Variants in TENM3 observed in about 807,000 individuals in gnomAD.
TENM3 encodes teneurin transmembrane protein 3.
TENM3 carries 63 observed loss-of-function variants against 255.1 expected under a neutral mutation model. The ratio of observed to expected loss-of-function variants is 0.25; its 90% CI spans 0.20 to 0.30. TENM3 has a LOEUF of 0.30. Among genes scored for constraint, TENM3 ranks in the 10% least tolerant of loss-of-function variants. The pLI is 1.00. For missense variants in TENM3, 2,929 were observed against 3,461.1 expected (o/e 0.85, Z 3.86); for synonymous variants, 1,306 against 1,322.3 (o/e 0.99, Z 0.27).
intron 3 of TENM3, among the ~76,000 whole-genome samples, chr4:182,389,152 A>G (rs1003762286): frequency 2.0e-5 from 3 of 152,164 alleles, no homozygotes; most frequent in African/African-American, 4.8e-5. Flanking sequence ...ATGTTTTCCA[A>G]CTTTTCATCC....
At chr4:181,867,259 A>C in the TENM3 span, among the ~76,000 whole-genome samples, 2 of 152,026 alleles carry the variant, frequency 1.3e-5, no homozygotes, top group Admixed American at 1.3e-4. Context: ...GAAATACATC[A>C]AATTTCCCCT....
chr4:182,749,012 T>A (rs932420745), intron 19 of TENM3, among the ~76,000 whole-genome samples: 3 of 152,202 alleles, frequency 2.0e-5, no homozygotes, highest in African/African-American at 7.2e-5. Context: ...AGGATAAAAC[T>A]GATGACAATA....
Position 182,789,979 on chromosome 4 carries a change from C to G in TENM3, c.5601+590C>G, listed in dbSNP as rs1765971027. Among the ~76,000 whole-genome samples, 1 of 152,018 alleles carries G rather than the reference C, an allele frequency of 6.6e-6. No homozygotes were observed. The highest frequency in any genetic ancestry group is 2.1e-4 in the South Asian group (1 of 4,816). ...CATTCTTGAGAACTATGCATAGTATCAAAAATGGAGACTTAGAATTACACG... is the reference window on the plus strand; with the variant it reads ...CATTCTTGAGAACTATGCATAGTATGAAAAATGGAGACTTAGAATTACACG... On this transcript the variant is annotated intron_variant, in intron 25 of 27. Transcript: ENST00000511685. This position sits in a 1 kb window ranked among gnomAD's most constrained non-coding sequence, Gnocchi z 4.4.
At chr4:181,636,766 C>A in the TENM3 span, among the ~76,000 whole-genome samples, 6 of 152,316 alleles carry the variant, frequency 3.9e-5, no homozygotes, top group African/African-American at 1.4e-4. Flanking sequence ...TTATCCTCAA[C>A]GCAGCGACCA....
At chr4:182,229,809 G>A (rs1756443311) in intron 1 of TENM3, among the ~76,000 whole-genome samples, 2 of 152,044 alleles carry the variant, frequency 1.3e-5, no homozygotes, top group Non-Finnish European at 2.9e-5. Flanking sequence ...GAGTAACAAA[G>A]AATTTCCTTA....
chr4:181,648,497 C>A, the TENM3 span, among the ~76,000 whole-genome samples: 1 of 152,122 alleles, frequency 6.6e-6, no homozygotes, highest in Non-Finnish European at 1.5e-5. Context: ...ACAGAATTAG[C>A]TTTTGTGCTA....
chr4:182,320,247 G>A (rs1251476233), intron 1 of TENM3, among the ~76,000 whole-genome samples: 1 of 152,208 alleles, frequency 6.6e-6, no homozygotes, highest in East Asian at 1.9e-4. Context: ...AGTTTCCTGT[G>A]GCTGCAGTGA....
the TENM3 span, among the ~76,000 whole-genome samples, chr4:181,772,004 G>T: frequency 6.6e-6 from 1 of 152,148 alleles, no homozygotes; most frequent in African/African-American, 2.4e-5. Flanking sequence ...TTTTTTTAAA[G>T]ATCAGATTAA....
At chr4:181,519,774 G>C in the TENM3 span, among the ~76,000 whole-genome samples, 14,171 of 152,202 alleles carry the variant, frequency 0.093, 796 homozygotes, top group South Asian at 0.26. Context: ...GCTGGGTGGA[G>C]GAATGTTAGC....
At chr4:182,285,807 A>T (rs1438186111) in intron 1 of TENM3, among the ~76,000 whole-genome samples, 1 of 152,172 alleles carries the variant, frequency 6.6e-6, no homozygotes, top group Non-Finnish European at 1.5e-5. Context: ...GAGAGCAGTG[A>T]TGTTTTCAGA....
chr4:182,096,881 A>G, the TENM3 span, among the ~76,000 whole-genome samples: 52,620 of 152,072 alleles, frequency 0.35, 9,205 homozygotes, highest in Middle Eastern at 0.44. Flanking sequence ...GAATAAAATG[A>G]AAGGGATGGT....
the TENM3 span, among the ~76,000 whole-genome samples, chr4:181,603,308 T>G: frequency 2.0e-5 from 3 of 152,130 alleles, no homozygotes; most frequent in Non-Finnish European, 4.4e-5. Flanking sequence ...AGGGCAATAA[T>G]TTTATTGTTG....
At chr4:182,266,751 C>T (rs943251353) in intron 1 of TENM3, among the ~76,000 whole-genome samples, 1 of 152,068 alleles carries the variant, frequency 6.6e-6, no homozygotes, top group Non-Finnish European at 1.5e-5. Context: ...GTATTATTGG[C>T]ATATGTTCCG....
chr4:181,547,069 A>C, the TENM3 span, among the ~76,000 whole-genome samples: 1,599 of 152,286 alleles, frequency 0.011, 37 homozygotes, highest in African/African-American at 0.036. Context: ...CTTAAATGTA[A>C]TGAGTTAGTT....
At chr4:181,517,562 C>T in the TENM3 span, among the ~76,000 whole-genome samples, 2 of 152,178 alleles carry the variant, frequency 1.3e-5, no homozygotes, top group African/African-American at 2.4e-5. Flanking sequence ...AACTTCTCTT[C>T]GCACACACAT....
chr4:182,411,251 A>G (rs2151082113), intron 3 of TENM3, among the ~76,000 whole-genome samples: 1 of 152,354 alleles, frequency 6.6e-6, no homozygotes, highest in South Asian at 2.1e-4. Flanking sequence ...TCTTGATAGT[A>G]ACTAACAAGA....
At chr4:182,184,718 G>C (rs1579634324) in intron 1 of TENM3, among the ~76,000 whole-genome samples, 1 of 152,146 alleles carries the variant, frequency 6.6e-6, no homozygotes, top group Non-Finnish European at 1.5e-5. Context: ...GAAGAAATGA[G>C]ATAGTCTTGA....
the TENM3 span, among the ~76,000 whole-genome samples, chr4:181,658,959 G>T: frequency 3.3e-5 from 5 of 152,064 alleles, no homozygotes; most frequent in Admixed American, 3.3e-4. Context: ...TCTTGAGTGA[G>T]GGCTAGGAAA....
chr4:182,443,633 G>T (rs1231347652), intron 3 of TENM3, among the ~76,000 whole-genome samples: 1 of 152,072 alleles, frequency 6.6e-6, no homozygotes, highest in Non-Finnish European at 1.5e-5. Flanking sequence ...CTCCTACTTG[G>T]ATAGTTGCCA....
Sources: gnomAD v4.1 joint callset for allele counts (sites outside exome capture counted in the v4.1 genomes callset) on GRCh38, gnomAD v4.1.1 for gene constraint, Gnocchi (gnomAD v3.1) non-coding constraint, MANE v1.5 for transcripts, NCBI Gene and HGNC (gene_info 2026-07-23, HGNC 2026-07-21) for gene names.